CD3E: variants seen among roughly 807,000 people sequenced by gnomAD.
CD3E encodes the protein T-cell surface glycoprotein CD3 epsilon chain.
CD3E carries 16 observed loss-of-function variants against 34.7 expected under a neutral mutation model. The ratio of observed to expected loss-of-function variants is 0.46; its 90% CI spans 0.31 to 0.70. The LOEUF is 0.70. Among genes scored for constraint, CD3E ranks in the 30% least tolerant of loss-of-function variants. The pLI is 0.05. For synonymous variants in CD3E, 70 were observed against 90.8 expected, an observed-to-expected ratio of 0.77 and a Z score of 1.30; for missense variants, 223 against 253.9, an observed-to-expected ratio of 0.88 and a Z score of 0.83.
At chr11:118,310,779 T>TAAGAAAC (rs1304207575) in intron 4 of CD3E, among the ~76,000 whole-genome samples, 2 of 152,264 alleles carry the variant, frequency 1.3e-5, no homozygotes, top group Non-Finnish European at 2.9e-5. Flanking sequence ...TTAACATGTC[T>TAAGAAAC]AAGAAACATC....
At chr11:118,314,338 G>A (rs561138403) in intron 7 of CD3E, 110 bp from the exon 8 acceptor site, 3 of 861,474 alleles carry the variant, frequency 3.5e-6, no homozygotes, top group Non-Finnish European at 5.9e-6. Flanking sequence ...GAGCGGTAGA[G>A]GAGAGAACAA....
Position 118,312,707 on chromosome 11 carries a change from A to G in CD3E, c.193A>G (p.Asn65Asp). ...SEILWQHNDK[N>D]IGGDEDDKNI... ...AATACTATGGCAACACAATGATAAA[A>G]ACATAGGCGGTGATGAGGATGATAA... Residue 65 changes from asparagine to aspartate, a missense_variant, in exon 6 of 9, where the codon AAC becomes GAC. Asn to Asp is a conservative substitution (Grantham distance 23). Coordinates refer to ENST00000361763, the MANE Select transcript of CD3E (RefSeq NM_000733.4). 1 of 1,614,184 alleles carries G rather than the reference A, an allele frequency of 6.2e-7. No individual in the cohort carries two copies. Among genetic ancestry groups the G allele is most frequent in the Non-Finnish European group, 8.5e-7 (1 of 1,180,012 alleles).
intron 2 of CD3E, among the ~76,000 whole-genome samples, chr11:118,306,931 CCA>C (rs1948110196): frequency 6.6e-6 from 1 of 152,216 alleles, no homozygotes; most frequent in African/African-American, 2.4e-5. Context: ...TGTTTTTCTT[CCA>C]CAGACACCAA....
intron 3 of CD3E, among the ~76,000 whole-genome samples, chr11:118,307,898 A>G (rs1345109288): frequency 1.3e-5 from 2 of 152,168 alleles, no homozygotes; most frequent in African/African-American, 4.8e-5. Flanking sequence ...GCTGGACACC[A>G]TGGCTCACAC....
At chr11:118,313,930 G>C in intron 7 of CD3E, 56 bp downstream of exon 7, 6 of 1,585,054 alleles carry the variant, frequency 3.8e-6, no homozygotes, top group Non-Finnish European at 4.3e-6. Context: ...CGACCAGCCT[G>C]GGCCAGGGTG....
intron 2 of CD3E, among the ~76,000 whole-genome samples, chr11:118,306,525 A>C (rs1323210173): frequency 6.6e-6 from 1 of 150,454 alleles, no homozygotes; most frequent in Non-Finnish European, 1.5e-5. Context: ...ATAAATAAAT[A>C]AAAGAGACAG....
In CD3E at chr11:118,315,506, G is replaced by A; in HGVS notation, c.588G>A (p.Arg196=). 1.2e-6 allele frequency: 2 copies of A among 1,613,524 alleles called. No individual in the cohort carries two copies. The highest frequency in any genetic ancestry group is 1.7e-6 in the Non-Finnish European group (2 of 1,179,866). ...CCCAGCCCATCCGGAAAGGCCAGCG[G>A]GACCTGTATTCTGGCCTGAATCAGA... ...PDYEPIRKGQ[R]DLYSGLNQRR... The change falls in exon 9 of 9, where the codon CGG becomes CGA. Residue 196 remains arginine, a synonymous_variant. Coordinates refer to ENST00000361763, the MANE Select transcript of CD3E (RefSeq NM_000733.4).
intron 6 of CD3E, chr11:118,313,458 G>A (rs1948147291): frequency 5.7e-6 from 3 of 522,572 alleles, no homozygotes; most frequent in Middle Eastern, 5.3e-4. Flanking sequence ...CACATTTCAC[G>A]CTTCTCACAG....
Position 118,315,807 on chromosome 11 carries a change from T to G in CD3E, c.*265T>G. 1 of 587,894 alleles carries G rather than the reference T, an allele frequency of 1.7e-6. No individual in the cohort carries two copies. The highest frequency in any genetic ancestry group is 3.0e-6 in the Non-Finnish European group (1 of 328,802). 36.4% of individuals were successfully genotyped at this position (587,894 alleles called of 1,614,324 possible). ...CAGCTGGCCTGCCCTCTTGCCAGGA[T>G]ATTTATTTGTGCTATTCACTCCCTT... On this transcript the variant is annotated 3_prime_UTR_variant, in exon 9 of 9. Transcript: ENST00000361763.
chr11:118,308,064 G>A (rs189370816), intron 3 of CD3E, among the ~76,000 whole-genome samples: 1 of 152,310 alleles, frequency 6.6e-6, no homozygotes, highest in East Asian at 1.9e-4. Context: ...AGCTACTCGA[G>A]AAGCTGAGGC....
intron 8 of CD3E, among the ~76,000 whole-genome samples, chr11:118,314,753 C>G (rs1313594751): frequency 1.3e-5 from 2 of 152,148 alleles, no homozygotes; most frequent in African/African-American, 4.8e-5. Flanking sequence ...TATTCATTGA[C>G]TGGGATACAG....
At chr11:118,310,857 A>G (rs560774155) in intron 4 of CD3E, among the ~76,000 whole-genome samples, 2 of 152,326 alleles carry the variant, frequency 1.3e-5, no homozygotes, top group South Asian at 2.1e-4. Flanking sequence ...TCAACTCCCA[A>G]TTATAAGCAG....
At position 118,312,725 on chromosome 11, in the gene CD3E, G is replaced by T. The variant is rs148647954; in HGVS notation, c.211G>T (p.Asp71Tyr). 1.9e-6 allele frequency: 3 copies of T among 1,613,926 alleles called. No homozygotes were observed. Among genetic ancestry groups the T allele is most frequent in the African/African-American group, 2.7e-5 (2 of 74,836 alleles). The change falls in exon 6 of 9, where the codon GAT becomes TAT. Residue 71 changes from aspartate to tyrosine, a missense_variant. Transcript: ENST00000361763. ...TGATAAAAACATAGGCGGTGATGAG[G>T]ATGATAAAAACATAGGCAGTGATGA... ...HNDKNIGGDE[D>Y]DKNIGSDEDH...
At chr11:118,307,401 C>G (rs1243068549) in intron 3 of CD3E, 93 bp downstream of exon 3, 6 of 1,134,296 alleles carry the variant, frequency 5.3e-6, no homozygotes, top group Non-Finnish European at 7.9e-6. Context: ...TCCCACAGAA[C>G]TTCCACAGAG....
chr11:118,310,485 A>G (rs573982153), intron 4 of CD3E, among the ~76,000 whole-genome samples: 3 of 152,332 alleles, frequency 2.0e-5, no homozygotes, highest in Admixed American at 2.0e-4. Context: ...GTAGTATTCC[A>G]TGGTGTATAT....
intron 4 of CD3E, among the ~76,000 whole-genome samples, chr11:118,309,235 C>T (rs575378224): frequency 1.3e-5 from 2 of 152,206 alleles, no homozygotes; most frequent in East Asian, 3.9e-4. Flanking sequence ...TTATGAGGAC[C>T]AAATGAGTAA....
intron 2 of CD3E, among the ~76,000 whole-genome samples, 186 bp from the exon 3 acceptor site, chr11:118,307,102 A>G (rs1157649916): frequency 6.6e-6 from 1 of 151,866 alleles, no homozygotes; most frequent in African/African-American, 2.4e-5. Context: ...TTTCCTGGGA[A>G]CCCCTGGTCA....
chr11:118,305,779 C>T (rs1038162374), intron 2 of CD3E, among the ~76,000 whole-genome samples: 4 of 152,132 alleles, frequency 2.6e-5, no homozygotes, highest in Non-Finnish European at 4.4e-5. Flanking sequence ...TAGTAAGTGC[C>T]GAAGCCAATC....
At chr11:118,307,396 C>T (rs1476474436) in intron 3 of CD3E, 88 bp downstream of exon 3, 1 of 1,176,576 alleles carries the variant, frequency 8.5e-7, no homozygotes, top group African/African-American at 1.5e-5. Flanking sequence ...AGGCCTCCCA[C>T]AGAACTTCCA....
Sources: allele counts gnomAD v4.1 joint callset (sites outside exome capture counted in the v4.1 genomes callset), GRCh38; gene constraint gnomAD v4.1.1; transcripts MANE v1.5; gene names NCBI Gene and HGNC (gene_info 2026-07-23, HGNC 2026-07-21).